OR7D2: variants seen among roughly 807,000 people sequenced by gnomAD.
OR7D2 encodes olfactory receptor 7D2.
For synonymous variants in OR7D2, 158 were observed against 158.7 expected (o/e 1.00, Z 0.03); for missense variants, 370 against 384.1 (o/e 0.96, Z 0.31).
intron 2 of OR7D2, among the ~76,000 whole-genome samples, chr19:9,183,561 A>G (rs2051006430): frequency 6.6e-6 from 1 of 151,784 alleles, no homozygotes; most frequent in South Asian, 2.1e-4. Context: ...TACAGGCGTG[A>G]GCCACCATGC....
In OR7D2 at chr19:9,188,642, G is replaced by C; in HGVS notation, c.*1922G>C. On this transcript the variant is annotated 3_prime_UTR_variant, in exon 3 of 3. Coordinates refer to ENST00000641288, the MANE Select transcript of OR7D2 (RefSeq NM_175883.4). ...ACTTGGGTTTGAAGCATTTGCTATA[G>C]CTTTGTTATCTCAAGTGGTGGCACA... 6.0e-6 allele frequency: 1 copy of C among 167,184 alleles called. No homozygotes were observed. The allele number at this position is 167,184 out of a possible 1,614,324, so 10.4% of individuals were successfully genotyped here.
Position 9,185,839 on chromosome 19 carries a change from GATCCAGAACTACAGCCGTTCATATTT to G in OR7D2, c.59_84del (p.Asp20GlyfsTer24), listed in dbSNP as rs1426117698. ...GTTTATCCTTCTCGGACTCTCTGAGGATCCAGAACTACAGCCGTTCATATTTGGGCTGTTCCTGTCCATGTACCTGG... is the reference window on the plus strand; with the variant it reads ...GTTTATCCTTCTCGGACTCTCTGAGGGGGCTGTTCCTGTCCATGTACCTGG... On this transcript the variant is annotated frameshift_variant, in exon 3 of 3. Coordinates refer to ENST00000641288, the MANE Select transcript of OR7D2 (RefSeq NM_175883.4). LOFTEE classifies it low-confidence loss of function (END_TRUNC). 4 of 1,610,264 alleles carry G rather than the reference GATCCAGAACTACAGCCGTTCATATTT, an allele frequency of 2.5e-6. No homozygotes were observed. The highest frequency in any genetic ancestry group is 1.7e-4 in the Middle Eastern group (1 of 6,050).
chr19:9,186,423 C>G lies in OR7D2; in HGVS notation c.642C>G (p.Ile214Met), dbSNP rs1329101880. The G allele has an allele frequency of 6.2e-7, 1 of 1,614,186 alleles. No homozygotes were observed. Among genetic ancestry groups the G allele is most frequent in the South Asian group, 1.1e-5 (1 of 91,090 alleles). The change falls in exon 3 of 3, where the codon ATC becomes ATG. Residue 214 changes from isoleucine (I) to methionine (M), a missense_variant. By Grantham distance (10) the Ile-to-Met change is conservative. Transcript: ENST00000641288. ...GVLGVFPLLGIIFSYSRIASS... is the reference protein window; with the variant it reads ...GVLGVFPLLGMIFSYSRIASS... ...TGGGCGTTTTTCCCCTCCTTGGGAT[C>G]ATTTTCTCTTATTCACGAATTGCTT... is the stretch of plus-strand genomic sequence containing the variant.
chr19:9,185,975 A>G lies in OR7D2; in HGVS notation c.194A>G (p.Asn65Ser), dbSNP rs767788459. The change falls in exon 3 of 3, where the codon AAC (asparagine) becomes AGC (serine). Residue 65 changes from asparagine to serine, a missense_variant. Asn to Ser is a conservative substitution (Grantham distance 46). Transcript: ENST00000641288. ...ACCCCCATGTACTTCTTCCTCTCCA[A>G]CCTGTCCTGGGTTGACATCTGTTTC... Reference protein sequence around the residue: ...LHTPMYFFLSNLSWVDICFST... With the variant: ...LHTPMYFFLSSLSWVDICFST... 17 of 1,613,640 alleles carry G rather than the reference A, an allele frequency of 1.1e-5. No homozygotes were observed. The East Asian group carries it at 2.0e-4, about 19-fold the overall frequency.
rs975305535 is a variant in OR7D2, at chr19:9,182,608, C to G, written c.-14+1820C>G. On this transcript the variant is annotated intron_variant, in intron 2 of 2. Coordinates refer to ENST00000641288, the MANE Select transcript of OR7D2 (RefSeq NM_175883.4). Reference sequence around the variant, plus strand: ...GATCTCGGCTCACTGCCAGCTCCGCCTCCCGGGTTCACGCCATTCTCCTGC... The same window carrying G: ...GATCTCGGCTCACTGCCAGCTCCGCGTCCCGGGTTCACGCCATTCTCCTGC... 14 of 158,700 alleles carry G rather than the reference C, an allele frequency of 8.8e-5. No individual in the cohort carries two copies. In the East Asian group the frequency reaches 2.3e-3, roughly 26 times the overall value. The allele number at this position is 158,700 out of a possible 1,614,324, so 9.8% of individuals were successfully genotyped here. A position where few individuals can be genotyped will look rare whatever the true frequency, so the allele number is the denominator to read the frequency against.
rs766169433 is a variant in OR7D2, at chr19:9,186,679, G to T, written c.898G>T (p.Ala300Ser). 5.6e-6 allele frequency: 9 copies of T among 1,613,470 alleles called. No homozygotes were observed. The Admixed American group carries it at 1.5e-4, about 27-fold the overall frequency. The change falls in exon 3 of 3, where the codon GCC becomes TCC. Residue 300 changes from alanine to serine, a missense_variant. Transcript: ENST00000641288. ...YSLRNKDVKG[A>S]LGSLLSRAAS... The stretch of plus-strand genomic sequence containing the variant: ...CCTGAGGAACAAGGATGTGAAGGGA[G>T]CCCTGGGGAGTCTCCTCAGCAGGGC...
chr19:9,188,535 C>G lies in OR7D2; in HGVS notation c.*1815C>G, dbSNP rs2051056257. 1 of 167,088 alleles carries G rather than the reference C, an allele frequency of 6.0e-6. No individual in the cohort carries two copies. Among genetic ancestry groups the G allele is most frequent in the Non-Finnish European group, 1.5e-5 (1 of 68,128 alleles). 10.4% of individuals were successfully genotyped at this position (167,088 alleles called of 1,614,324 possible). On this transcript the variant is annotated 3_prime_UTR_variant, in exon 3 of 3. Coordinates refer to ENST00000641288, the MANE Select transcript of OR7D2 (RefSeq NM_175883.4). ...TAACAATTAATCTCCAAGTAATTTC[C>G]TTGATGGCACTTCTGTCCTATGTGC...
Position 9,179,402 on chromosome 19 carries a change from T to C in OR7D2, c.-105+279T>C, listed in dbSNP as rs538948153. On this transcript the variant is annotated intron_variant, in intron 1 of 2. Transcript: ENST00000641288. Reference sequence around the variant, plus strand: ...TAAAAATACAAAAATTAGCTGGGCATGGTGGCGGATGCCTGTAATCCCAGC... The same window carrying C: ...TAAAAATACAAAAATTAGCTGGGCACGGTGGCGGATGCCTGTAATCCCAGC... Among the ~76,000 whole-genome samples the C allele has an allele frequency of 7.9e-5, 12 of 152,126 alleles. No individual in the cohort carries two copies. The South Asian group carries it at 1.2e-3, about 16-fold the overall frequency.
intron 2 of OR7D2, among the ~76,000 whole-genome samples, chr19:9,184,674 T>C (rs2051017034): frequency 1.3e-5 from 2 of 152,066 alleles, no homozygotes; most frequent in South Asian, 4.1e-4. Context: ...GATGGAGAAA[T>C]GGCTAAAGAA....
intron 2 of OR7D2, among the ~76,000 whole-genome samples, chr19:9,183,958 A>G (rs1257686213): frequency 1.2e-4 from 5 of 41,936 alleles, no homozygotes; most frequent in Non-Finnish European, 1.5e-4. Context: ...TCCGTCTCAA[A>G]AAAAAAAAAA....
In OR7D2 at chr19:9,186,308, A is replaced by AT. The variant is rs746846141; in HGVS notation, c.533dup (p.Cys179LeufsTer13). ...TTCTGTAAAGATTTTGAAATTCCAC[A>AT]TTTTTTCTGCGAACTGACGTACATC... On this transcript the variant is annotated frameshift_variant, in exon 3 of 3. Transcript: ENST00000641288. LOFTEE classifies it low-confidence loss of function (END_TRUNC). 5.9e-5 allele frequency: 96 copies of AT among 1,613,472 alleles called. 2 individuals carry two copies. In the South Asian group the frequency reaches 8.3e-4, roughly 14 times the overall value.
At position 9,186,509 on chromosome 19, in the gene OR7D2, C is replaced by T; in HGVS notation, c.728C>T (p.Ser243Phe). 1.2e-6 allele frequency: 2 copies of T among 1,614,056 alleles called. No homozygotes were observed. The highest frequency in any genetic ancestry group is 1.7e-6 in the Non-Finnish European group (2 of 1,180,002). Residue 243 changes from serine (S) to phenylalanine (F), a missense_variant, in exon 3 of 3, where the codon TCT becomes TTT. By Grantham distance (155) the Ser-to-Phe change is radical. Coordinates refer to ENST00000641288, the MANE Select transcript of OR7D2 (RefSeq NM_175883.4). ...CAAAAAGCACTTTCCACCTGTGGGT[C>T]TCACCTCTCCGTCGTTTCTTTATTT... ...GKQKALSTCGSHLSVVSLFYG... is the reference protein window; with the variant it reads ...GKQKALSTCGFHLSVVSLFYG...
intron 2 of OR7D2, 131 bp from the exon 3 acceptor site, chr19:9,185,638 C>T: frequency 2.0e-6 from 1 of 507,630 alleles, no homozygotes; most frequent in Non-Finnish European, 3.5e-6. Flanking sequence ...GGCTGGAGTG[C>T]AGTGGTGTAA....
At chr19:9,185,603 G>C in intron 2 of OR7D2, 166 bp from the exon 3 acceptor site, 1 of 376,324 alleles carries the variant, frequency 2.7e-6, no homozygotes, top group Non-Finnish European at 4.7e-6. Flanking sequence ...TTTATTTTTT[G>C]AGACAGTTCT....
rs1422947309 is a variant in OR7D2, at chr19:9,188,261, C to A, written c.*1541C>A. On this transcript the variant is annotated 3_prime_UTR_variant, in exon 3 of 3. Coordinates refer to ENST00000641288, the MANE Select transcript of OR7D2 (RefSeq NM_175883.4). ...CACCTGCCACCCCACCCAGCTAATT[C>A]TTCTATTTTTAGTAGAGACAGGGTT... 1.3e-5 allele frequency: 2 copies of A among 152,048 alleles called. No individual in the cohort carries two copies. The highest frequency in any genetic ancestry group is 2.9e-5 in the Non-Finnish European group (2 of 68,014). 9.4% of individuals were successfully genotyped at this position (152,048 alleles called of 1,614,324 possible). A position where few individuals can be genotyped will look rare whatever the true frequency, so the allele number is the denominator to read the frequency against.
chr19:9,179,004 G>A lies in OR7D2; in HGVS notation c.-224G>A, dbSNP rs2050972381. The A allele has an allele frequency of 6.6e-6, 1 of 152,130 alleles. No individual in the cohort carries two copies. Among genetic ancestry groups the A allele is most frequent in the South Asian group, 2.1e-4 (1 of 4,826 alleles). The allele number at this position is 152,130 out of a possible 1,614,324, so 9.4% of individuals were successfully genotyped here. ...CCACACTCATGCATCTTAGAGAGGA[G>A]AGTTAGGATGACTTCATGACAAGTT... On this transcript the variant is annotated 5_prime_UTR_variant, in exon 1 of 3. Coordinates refer to ENST00000641288, the MANE Select transcript of OR7D2 (RefSeq NM_175883.4).
chr19:9,185,151 C>T (rs117650833), intron 2 of OR7D2, among the ~76,000 whole-genome samples: 27 of 151,966 alleles, frequency 1.8e-4, no homozygotes, highest in Non-Finnish European at 3.1e-4. Context: ...TGTAGTATTC[C>T]GGATTTATGC....
At chr19:9,179,730 G>T (rs1046798512) in intron 1 of OR7D2, among the ~76,000 whole-genome samples, 1 of 151,996 alleles carries the variant, frequency 6.6e-6, no homozygotes, top group African/African-American at 2.4e-5. Flanking sequence ...TCTCGGCCGG[G>T]TGCAGTGGCT....
intron 2 of OR7D2, among the ~76,000 whole-genome samples, chr19:9,183,682 G>A (rs1273809105): frequency 1.3e-5 from 2 of 151,798 alleles, no homozygotes; most frequent in African/African-American, 4.8e-5. Flanking sequence ...AGTTGGCCGG[G>A]CGCGGTGGCT....
Sources: allele counts gnomAD v4.1 joint callset (sites outside exome capture counted in the v4.1 genomes callset), GRCh38; gene constraint gnomAD v4.1.1; transcripts MANE v1.5; gene names NCBI Gene and HGNC (gene_info 2026-07-23, HGNC 2026-07-21).